Variants in PSTPIP1 observed in about 807,000 individuals in gnomAD.
PSTPIP1 encodes the protein proline-serine-threonine phosphatase interacting protein 1, also known as proline-serine-threonine phosphatase-interacting protein 1.
A neutral mutation model predicts 69.6 loss-of-function variants in PSTPIP1; 66 were observed. That is an observed-to-expected ratio of 0.95 (90% confidence interval 0.78 to 1.16). The LOEUF (loss-of-function observed/expected upper bound fraction) is 1.16. PSTPIP1 is among the 50% of genes most tolerant of loss of function. PSTPIP1 has a pLI of 0.00. For synonymous variants in PSTPIP1, 266 were observed against 222.7 expected, an observed-to-expected ratio of 1.19 and a Z score of -1.73; for missense variants, 603 against 557.4, an observed-to-expected ratio of 1.08 and a Z score of -0.82.
chr15:76,995,447 C>A lies in PSTPIP1; in HGVS notation c.-127C>A. ...GTGGCTGCCTTCTGAGTGTTGCAGACGGCGCCGGCCGGGAAGGGGGGCCTG... is the reference window on the plus strand; with the variant it reads ...GTGGCTGCCTTCTGAGTGTTGCAGAAGGCGCCGGCCGGGAAGGGGGGCCTG... On this transcript the variant is annotated 5_prime_UTR_variant, in exon 1 of 15. Transcript: ENST00000558012. 1 of 1,549,200 alleles carries A rather than the reference C, an allele frequency of 6.5e-7. No individual in the cohort carries two copies.
At chr15:77,007,969 C>T (rs1399800413) in intron 1 of PSTPIP1, 2 of 455,598 alleles carry the variant, frequency 4.4e-6, no homozygotes, top group Non-Finnish European at 8.8e-6. Flanking sequence ...TGAACAATTG[C>T]CCATTGACCT....
chr15:77,017,082 G>C, intron 1 of PSTPIP1, among the ~76,000 whole-genome samples: 1 of 152,110 alleles, frequency 6.6e-6, no homozygotes, highest in East Asian at 1.9e-4. Flanking sequence ...TGGTGCAGTT[G>C]GTGACAAAAA....
chr15:77,030,640 C>A, intron 9 of PSTPIP1, 59 bp downstream of exon 9: 1 of 1,491,682 alleles, frequency 6.7e-7, no homozygotes, highest in Non-Finnish European at 9.1e-7. Flanking sequence ...ACGCCCATCC[C>A]TACTCCAGCT....
chr15:77,011,016 G>A (rs2075923810), intron 1 of PSTPIP1, among the ~76,000 whole-genome samples: 1 of 152,196 alleles, frequency 6.6e-6, no homozygotes. Context: ...CTGGCCCCAT[G>A]AGAGTGAAGG....
At chr15:77,029,176 G>A (rs941751335) in intron 7 of PSTPIP1, among the ~76,000 whole-genome samples, 1 of 152,214 alleles carries the variant, frequency 6.6e-6, no homozygotes, top group Admixed American at 6.5e-5. Flanking sequence ...GGAAGGCTGA[G>A]GCCCAGAGAG....
chr15:77,027,981 T>A lies in PSTPIP1; in HGVS notation c.417+67T>A, dbSNP rs976385977. The A allele has an allele frequency of 2.2e-6, 3 of 1,384,820 alleles. No homozygotes were observed. In the African/African-American group the frequency reaches 4.3e-5, roughly 20 times the overall value. The allele number at this position is 1,384,820 out of a possible 1,614,324, so 85.8% of individuals were successfully genotyped here. A position where few individuals can be genotyped will look rare whatever the true frequency, so the allele number is the denominator to read the frequency against. On this transcript the variant is annotated intron_variant, in intron 6 of 14. Coordinates refer to ENST00000558012, the MANE Select transcript of PSTPIP1 (RefSeq NM_003978.5). The surrounding 1 kb of genome is among the most constrained non-coding windows in gnomAD (Gnocchi z 4.3). ...CAGCGCAGGTCTCAGGGTGCGATCC[T>A]GGGCTGTGGCCCCGGGCAGGGCATT...
At chr15:77,010,628 C>T (rs11639459) in intron 1 of PSTPIP1, among the ~76,000 whole-genome samples, 20,720 of 152,060 alleles carry the variant, frequency 0.14, 1,715 homozygotes, top group South Asian at 0.24. Context: ...CTTGCCTCCT[C>T]TCTCACTTTT....
At chr15:77,031,442 A>G in intron 10 of PSTPIP1, 164 bp downstream of exon 10, 1 of 638,420 alleles carries the variant, frequency 1.6e-6, no homozygotes, top group East Asian at 3.0e-5. Context: ...CCAGAACCCC[A>G]AGACAGGAGC....
Position 77,002,616 on chromosome 15 carries a change from C to T in PSTPIP1, c.36+7007C>T, listed in dbSNP as rs138937060. ...GTTCATCTGTGCCCATTCCACAGGACGTGGCCGGCTGCTCAGGTGTTAGAA... is the reference window on the plus strand; with the variant it reads ...GTTCATCTGTGCCCATTCCACAGGATGTGGCCGGCTGCTCAGGTGTTAGAA... On this transcript the variant is annotated intron_variant, in intron 1 of 14. Transcript: ENST00000558012. Among the ~76,000 whole-genome samples, 763 of 152,310 alleles carry T rather than the reference C, an allele frequency of 5.0e-3. 4 individuals are homozygous for T. Among genetic ancestry groups the T allele is most frequent in the African/African-American group, 0.017 (709 of 41,566 alleles).
At chr15:77,025,474 C>A in intron 4 of PSTPIP1, 24 bp from the exon 5 acceptor site, 1 of 1,573,724 alleles carries the variant, frequency 6.4e-7, no homozygotes, top group Non-Finnish European at 8.6e-7. Context: ...ACACTGGGGA[C>A]CAGTATCCAT....
intron 6 of PSTPIP1, 137 bp downstream of exon 6, chr15:77,028,051 G>GGC (rs1426110530): frequency 8.3e-6 from 7 of 840,676 alleles, no homozygotes; most frequent in Non-Finnish European, 1.3e-5. Flanking sequence ...CTCGGCCTTG[G>GGC]GCGCACCAGC....
In PSTPIP1 at chr15:77,010,215, C is replaced by T. The variant is rs113958561; in HGVS notation, c.37-7933C>T. 8.1e-3 allele frequency among the ~76,000 whole-genome samples: 1,233 copies of T among 152,336 alleles called. 10 individuals carry two copies. The highest frequency in any genetic ancestry group is 0.028 in the African/African-American group (1,174 of 41,572). On this transcript the variant is annotated intron_variant, in intron 1 of 14. Transcript: ENST00000558012. ...CCAAATCAGCTTGGCAGGGGCGGTACAGAGCTGTGTAACCTGGACAAGTCA... is the reference window on the plus strand; with the variant it reads ...CCAAATCAGCTTGGCAGGGGCGGTATAGAGCTGTGTAACCTGGACAAGTCA...
Position 77,035,528 on chromosome 15 carries a change from G to A in PSTPIP1, c.950G>A (p.Gly317Glu). The A allele has an allele frequency of 5.0e-6, 8 of 1,592,540 alleles. No homozygotes were observed. Among genetic ancestry groups the A allele is most frequent in the Non-Finnish European group, 6.8e-6 (8 of 1,170,020 alleles). The change falls in exon 13 of 15, where the codon GGA becomes GAA. Residue 317 changes from glycine (G) to glutamate (E), a missense_variant. Transcript: ENST00000558012. ...CCCAGGTTCTCTGGACTGCTGCACGGAAGTCCCAAGACCACTTCGTTGGCA... is the reference window on the plus strand; with the variant it reads ...CCCAGGTTCTCTGGACTGCTGCACGAAAGTCCCAAGACCACTTCGTTGGCA... ...MIKRFSGLLH[G>E]SPKTTSLAAS...
At chr15:77,028,482 A>G in intron 6 of PSTPIP1, 72 bp from the exon 7 acceptor site, 1 of 1,313,230 alleles carries the variant, frequency 7.6e-7, no homozygotes, top group South Asian at 1.4e-5. Flanking sequence ...GGCTGGGCTA[A>G]GGGAGCCTCA....
chr15:77,010,178 A>T (rs1367618565), intron 1 of PSTPIP1, among the ~76,000 whole-genome samples: 1 of 152,174 alleles, frequency 6.6e-6, no homozygotes, highest in Non-Finnish European at 1.5e-5. Flanking sequence ...GATCCTAGTG[A>T]GCCTCCAACT....
intron 3 of PSTPIP1, among the ~76,000 whole-genome samples, chr15:77,024,624 G>A (rs1441965785): frequency 6.6e-6 from 1 of 152,166 alleles, no homozygotes; most frequent in Non-Finnish European, 1.5e-5. Context: ...AAAAGTGCTC[G>A]TTCATCTGAG....
In PSTPIP1 at chr15:77,027,578, T is replaced by A. The variant is rs2076308548; in HGVS notation, c.355-274T>A. ...GGATGAACGACTGTGTGCGCACGTG[T>A]GTTGGGGTGGGAACTCCCCAGCTGG... is the stretch of plus-strand genomic sequence containing the variant. On this transcript the variant is annotated intron_variant, in intron 5 of 14. Coordinates refer to ENST00000558012, the MANE Select transcript of PSTPIP1 (RefSeq NM_003978.5). This position sits in a 1 kb window ranked among gnomAD's most constrained non-coding sequence, Gnocchi z 4.3. 2.1e-6 allele frequency: 1 copy of A among 477,522 alleles called. No homozygotes were observed. Among genetic ancestry groups the A allele is most frequent in the Non-Finnish European group, 4.0e-6 (1 of 251,898 alleles). The allele number at this position is 477,522 out of a possible 1,614,324, so 29.6% of individuals were successfully genotyped here.
intron 1 of PSTPIP1, among the ~76,000 whole-genome samples, chr15:77,007,392 G>A (rs1218192494): frequency 1.3e-5 from 2 of 152,204 alleles, no homozygotes; most frequent in East Asian, 1.9e-4. Flanking sequence ...TGGATTGCTC[G>A]AGCCCAGGAG....
intron 1 of PSTPIP1, among the ~76,000 whole-genome samples, chr15:77,016,158 ACT>A (rs1261712514): frequency 6.6e-6 from 1 of 151,590 alleles, no homozygotes; most frequent in African/African-American, 2.4e-5. Flanking sequence ...TCTTGTCCTG[ACT>A]CTGCAGCGTC....
Sources: gnomAD v4.1 joint callset for allele counts (sites outside exome capture counted in the v4.1 genomes callset) on GRCh38, gnomAD v4.1.1 for gene constraint, Gnocchi (gnomAD v3.1) non-coding constraint, MANE v1.5 for transcripts, NCBI Gene and HGNC (gene_info 2026-07-23, HGNC 2026-07-21) for gene names.